Variants in RBFOX3 observed in about 807,000 individuals in gnomAD.
RBFOX3 encodes the protein RNA binding protein fox-1 homolog 3.
In RBFOX3, 17 loss-of-function variants were observed where a neutral mutation model predicts 48.7. The observed-to-expected ratio is 0.35, with a 90% CI of 0.24 to 0.52. RBFOX3 has a LOEUF of 0.52. Among genes scored for constraint, RBFOX3 ranks in the 20% least tolerant of loss-of-function variants. The pLI is 0.94. For synonymous variants in RBFOX3, 212 were observed against 209.5 expected, an observed-to-expected ratio of 1.01 and a Z score of -0.10; for missense variants, 382 against 497.5, an observed-to-expected ratio of 0.77 and a Z score of 2.21.
chr17:79,483,200 T>A (rs1488427688), intron 1 of RBFOX3, among the ~76,000 whole-genome samples: 16 of 151,822 alleles, frequency 1.1e-4, no homozygotes, highest in Non-Finnish European at 2.2e-4. Flanking sequence ...CCTAAGAAAA[T>A]AACATACGAG....
intron 2 of RBFOX3, among the ~76,000 whole-genome samples, chr17:79,398,192 TGGGCCTC>T (rs1403342898): frequency 6.6e-6 from 1 of 152,110 alleles, no homozygotes; most frequent in East Asian, 1.9e-4. Context: ...CTGATCCTGC[TGGGCCTC>T]GGGAGGCTCA....
chr17:79,457,023 A>C (rs2074612812), intron 2 of RBFOX3, among the ~76,000 whole-genome samples: 1 of 152,222 alleles, frequency 6.6e-6, no homozygotes, highest in Non-Finnish European at 1.5e-5. Context: ...ATATTGATAG[A>C]GAAGATAATG....
chr17:79,321,364 G>C (rs1178122177), intron 2 of RBFOX3, among the ~76,000 whole-genome samples: 1 of 152,210 alleles, frequency 6.6e-6, no homozygotes, highest in Non-Finnish European at 1.5e-5. Context: ...ACGTAGAGAG[G>C]CTATGGCAGC....
chr17:79,576,649 A>G (rs1201661021), intron 1 of RBFOX3, among the ~76,000 whole-genome samples: 4 of 151,912 alleles, frequency 2.6e-5, no homozygotes, highest in African/African-American at 9.7e-5. Context: ...GAGGGGTGGG[A>G]GATGATGGAG....
chr17:79,294,023 C>T (rs147330990), intron 3 of RBFOX3, among the ~76,000 whole-genome samples: 18 of 152,242 alleles, frequency 1.2e-4, no homozygotes, highest in East Asian at 9.7e-4. Context: ...GTCACCTGTC[C>T]GACTTCCAGA....
rs1252219473 is a variant in RBFOX3 at position 79,473,819 on chromosome 17, C to T, written c.-175+8635G>A. On this transcript the variant is annotated intron_variant, in intron 2 of 14. Coordinates refer to ENST00000693108, the MANE Select transcript of RBFOX3 (RefSeq NM_001350451.2). This position sits in a 1 kb window ranked among gnomAD's most constrained non-coding sequence, Gnocchi z 4.2. ...GTTCCGCCTCCATTTTTCTCCTCCT[C>T]CTAAAAGCACACACACACACTCACA... Among the ~76,000 whole-genome samples the T allele has an allele frequency of 1.3e-5, 2 of 152,112 alleles. No individual in the cohort carries two copies. Among genetic ancestry groups the T allele is most frequent in the Non-Finnish European group, 2.9e-5 (2 of 68,020 alleles).
intron 2 of RBFOX3, among the ~76,000 whole-genome samples, chr17:79,467,826 G>A (rs2076514683): frequency 6.6e-5 from 10 of 152,108 alleles, no homozygotes. Flanking sequence ...TCCCAGGAAG[G>A]GACCTTGAGC....
intron 4 of RBFOX3, among the ~76,000 whole-genome samples, chr17:79,145,321 C>T (rs2042804507): frequency 6.6e-6 from 1 of 152,176 alleles, no homozygotes; most frequent in Non-Finnish European, 1.5e-5. Context: ...AATAAGTTCC[C>T]GATGTGCGTG....
chr17:79,469,850 G>T (rs1032764669), intron 2 of RBFOX3, among the ~76,000 whole-genome samples: 34 of 152,236 alleles, frequency 2.2e-4, no homozygotes, highest in Non-Finnish European at 3.1e-4. Context: ...GCACGGAGGA[G>T]AGGGTGCACA....
At chr17:79,186,710 C>T (rs182012106) in intron 4 of RBFOX3, among the ~76,000 whole-genome samples, 2 of 152,344 alleles carry the variant, frequency 1.3e-5, no homozygotes, top group Admixed American at 6.5e-5. Flanking sequence ...ATACCCCATT[C>T]GCCCTGAATC....
chr17:79,153,929 AC>A (rs1226681926), intron 4 of RBFOX3, among the ~76,000 whole-genome samples: 1 of 151,830 alleles, frequency 6.6e-6, no homozygotes, highest in Non-Finnish European at 1.5e-5. Context: ...ACAACCGCAG[AC>A]CCTACTGTCT....
intron 4 of RBFOX3, among the ~76,000 whole-genome samples, chr17:79,225,982 A>G (rs2060270503): frequency 6.6e-6 from 1 of 152,192 alleles, no homozygotes; most frequent in South Asian, 2.1e-4. Context: ...TGCAGTGTTC[A>G]GCCAGGTGGT....
At chr17:79,576,701 G>C (rs2144691086) in intron 1 of RBFOX3, among the ~76,000 whole-genome samples, 1 of 151,984 alleles carries the variant, frequency 6.6e-6, no homozygotes, top group African/African-American at 2.4e-5. Context: ...TGAAGAAGAT[G>C]ATAGAGAAGA....
chr17:79,103,355 A>C lies in RBFOX3; in HGVS notation c.415-101T>G, dbSNP rs1187060036. On this transcript the variant is annotated intron_variant, in intron 7 of 14. Transcript: ENST00000693108. The surrounding 1 kb of genome is among the most constrained non-coding windows in gnomAD (Gnocchi z 6.1). Reference sequence around the variant, plus strand: ...AAGAGGAGTGGGAGGGGGGCAGGGGAGTGGGGAGAGAGAGAGAAGGGGTTG... The same window carrying C: ...AAGAGGAGTGGGAGGGGGGCAGGGGCGTGGGGAGAGAGAGAGAAGGGGTTG... The C allele has an allele frequency of 5.4e-6, 4 of 744,224 alleles. No homozygotes were observed. Among genetic ancestry groups the C allele is most frequent in the Non-Finnish European group, 9.3e-6 (4 of 430,874 alleles). The allele number at this position is 744,224 out of a possible 1,614,324, so 46.1% of individuals were successfully genotyped here. A position where few individuals can be genotyped will look rare whatever the true frequency, so the allele number is the denominator to read the frequency against.
At chr17:79,161,644 G>A (rs2047005277) in intron 4 of RBFOX3, among the ~76,000 whole-genome samples, 1 of 152,132 alleles carries the variant, frequency 6.6e-6, no homozygotes, top group Admixed American at 6.5e-5. Context: ...CACCCAGGCT[G>A]GAGTGCAGTG....
At chr17:79,101,297 C>T (rs904226610) in intron 9 of RBFOX3, among the ~76,000 whole-genome samples, 1 of 152,224 alleles carries the variant, frequency 6.6e-6, no homozygotes, top group South Asian at 2.1e-4. Context: ...GGATCAGAAG[C>T]CTGCACGTGT....
rs766724128 is a variant in RBFOX3, at chr17:79,243,602, GT to G, written c.-73-7798del. On this transcript the variant is annotated intron_variant, in intron 3 of 14. Transcript: ENST00000693108. The surrounding 1 kb of genome is among the most constrained non-coding windows in gnomAD (Gnocchi z 7.9). ...CCTGGCTGCCCTCAGGTGGGAGGGTGTGGGGAAGGTGCTGGCTTTGCATGAG... is the reference window on the plus strand; with the variant it reads ...CCTGGCTGCCCTCAGGTGGGAGGGTGGGGGAAGGTGCTGGCTTTGCATGAG... Among the ~76,000 whole-genome samples, 1 of 152,110 alleles carries G rather than the reference GT, an allele frequency of 6.6e-6. No homozygotes were observed. Among genetic ancestry groups the G allele is most frequent in the African/African-American group, 2.4e-5 (1 of 41,406 alleles).
chr17:79,280,657 A>C (rs1451112174), intron 3 of RBFOX3, among the ~76,000 whole-genome samples: 1 of 152,208 alleles, frequency 6.6e-6, no homozygotes, highest in Non-Finnish European at 1.5e-5. Flanking sequence ...GACGAAAGTC[A>C]TTATGTTTTG....
chr17:79,541,670 G>C (rs782725528), intron 1 of RBFOX3, among the ~76,000 whole-genome samples: 38 of 152,162 alleles, frequency 2.5e-4, no homozygotes, highest in Admixed American at 6.5e-5. Context: ...CCATCAAACC[G>C]CTAGGCCTCA....
Sources: allele counts gnomAD v4.1 joint callset (sites outside exome capture counted in the v4.1 genomes callset), GRCh38; gene constraint gnomAD v4.1.1; non-coding constraint Gnocchi (gnomAD v3.1); transcripts MANE v1.5; gene names NCBI Gene and HGNC (gene_info 2026-07-23, HGNC 2026-07-21).